Variants in CIDEC observed in about 807,000 individuals in gnomAD.
CIDEC encodes cell death inducing DFFA like effector c, also known as lipid transferase CIDEC.
A neutral mutation model predicts 21.9 loss-of-function variants in CIDEC; 11 were observed. The ratio of observed to expected loss-of-function variants is 0.50; its 90% CI spans 0.32 to 0.83. The LOEUF is 0.83. Among genes scored for constraint, CIDEC ranks in the 40% least tolerant of loss-of-function variants. The pLI is 0.04. For missense variants in CIDEC, 302 were observed against 302.3 expected, an observed-to-expected ratio of 1.00 and a Z score of 0.01; for synonymous variants, 127 against 124.9, an observed-to-expected ratio of 1.02 and a Z score of -0.11.
chr3:9,867,367 C>T, intron 6 of CIDEC, 71 bp from the exon 7 acceptor site: 1 of 1,553,216 alleles, frequency 6.4e-7, no homozygotes, highest in Non-Finnish European at 8.8e-7. Context: ...CGCCTGTAAT[C>T]CTAGCACTTT....
intron 4 of CIDEC, among the ~76,000 whole-genome samples, chr3:9,871,953 TGTTTTGTTTTTG>T (rs918951358): frequency 7.3e-5 from 11 of 151,698 alleles, no homozygotes; most frequent in African/African-American, 2.7e-4. Flanking sequence ...TTCGTTTGTT[TGTTTTGTTTTTG>T]GTTTTGTTTT....
rs755296776 is a variant in CIDEC, at chr3:9,870,290, G to C, written c.240C>G (p.Pro80=). 8 of 1,613,932 alleles carry C rather than the reference G, an allele frequency of 5.0e-6. No individual in the cohort carries two copies. Among genetic ancestry groups the C allele is most frequent in the Non-Finnish European group, 6.8e-6 (8 of 1,180,024 alleles). ...VRDTLMLADK[P]FFLVLEEDGT... ...CATCTTCCTCCAGCACCAGGAAGAA[G>C]GGCTTGTCTGCCAGCATCAGAGTGT... is the stretch of plus-strand genomic sequence containing the variant. The change falls in exon 5 of 7, where the codon CCC becomes CCG. Residue 80 remains proline (P), a synonymous_variant. Transcript: ENST00000336832.
At chr3:9,874,807 T>C (rs2082398154) in intron 4 of CIDEC, among the ~76,000 whole-genome samples, 2 of 152,174 alleles carry the variant, frequency 1.3e-5, no homozygotes, top group Admixed American at 1.3e-4. Context: ...CACAGTTCAC[T>C]GGAGCCTCAA....
At position 9,867,013 on chromosome 3, in the gene CIDEC, C is replaced by A. The variant is rs113086607; in HGVS notation, c.*121G>T. The A allele has an allele frequency of 6.5e-6, 7 of 1,078,472 alleles. No homozygotes were observed. Among genetic ancestry groups the A allele is most frequent in the Non-Finnish European group, 8.6e-6 (6 of 695,936 alleles). 66.8% of individuals were successfully genotyped at this position (1,078,472 alleles called of 1,614,324 possible). The stretch of plus-strand genomic sequence containing the variant: ...CCTCCTCCTCACTCAGGGTCCTGCG[C>A]GGTGAGGGAGGTGTGGGGAGGTTCG... On this transcript the variant is annotated 3_prime_UTR_variant, in exon 7 of 7. Transcript: ENST00000336832.
At chr3:9,876,624 G>T (rs1243271697) in intron 4 of CIDEC, among the ~76,000 whole-genome samples, 1 of 152,078 alleles carries the variant, frequency 6.6e-6, no homozygotes, top group Admixed American at 6.6e-5. Flanking sequence ...GGGTGTGGTG[G>T]TGTGTGCCTG....
chr3:9,874,712 T>A (rs1449042618), intron 4 of CIDEC, among the ~76,000 whole-genome samples: 1 of 152,158 alleles, frequency 6.6e-6, no homozygotes, highest in Admixed American at 6.6e-5. Context: ...AAAAATTGCA[T>A]ATAATTTTGC....
Position 9,869,957 on chromosome 3 carries a change from T to A in CIDEC, c.479A>T (p.Asn160Ile). 1 of 1,614,204 alleles carries A rather than the reference T, an allele frequency of 6.2e-7. No individual in the cohort carries two copies. Among genetic ancestry groups the A allele is most frequent in the Non-Finnish European group, 8.5e-7 (1 of 1,180,040 alleles). The part of the protein sequence containing the change: ...LNPQDFIGCL[N>I]VKATFYDTYS... ...TGTATCATAAAAAGTCGCCTTCACG[T>A]TCAGGCAGCCAATGAAGTCCTGTGG... The change falls in exon 6 of 7, where the codon AAC becomes ATC. Residue 160 changes from asparagine to isoleucine, a missense_variant. Asn to Ile is a moderately radical substitution (Grantham distance 149). Transcript: ENST00000336832.
chr3:9,876,990 A>G, intron 4 of CIDEC, 76 bp downstream of exon 4: 3 of 1,282,566 alleles, frequency 2.3e-6, no homozygotes, highest in Non-Finnish European at 3.3e-6. Flanking sequence ...AAACTGTGCC[A>G]CCTTCTAAGC....
At chr3:9,869,711 C>T (rs111489240) in intron 6 of CIDEC, among the ~76,000 whole-genome samples, 171 bp downstream of exon 6, 12 of 152,346 alleles carry the variant, frequency 7.9e-5, no homozygotes, top group Middle Eastern at 3.4e-3. Flanking sequence ...ACGCCGGTGT[C>T]GTCCACAGCA....
At chr3:9,876,777 A>C (rs1051120306) in intron 4 of CIDEC, among the ~76,000 whole-genome samples, 2 of 151,268 alleles carry the variant, frequency 1.3e-5, no homozygotes, top group Non-Finnish European at 3.0e-5. Flanking sequence ...AAAAAAAAAA[A>C]AAAAAAACTA....
In CIDEC at chr3:9,867,301, G is replaced by A. The variant is rs775310473; in HGVS notation, c.555-5C>T. On this transcript the variant is annotated splice_polypyrimidine_tract_variant and splice_region_variant and intron_variant, in intron 6 of 6. Transcript: ENST00000336832. ...AGGGCCCAGCGGAAAGCTTCCCTGG[G>A]TGGAATGAGAGGGCACGCAAGTCAA... 1 of 1,614,094 alleles carries A rather than the reference G, an allele frequency of 6.2e-7. No homozygotes were observed. The highest frequency in any genetic ancestry group is 1.1e-5 in the South Asian group (1 of 91,082).
At chr3:9,870,428 A>G in intron 4 of CIDEC, 106 bp from the exon 5 acceptor site, 1 of 1,576,956 alleles carries the variant, frequency 6.3e-7, no homozygotes, top group Non-Finnish European at 8.6e-7. Context: ...CACTACCCAG[A>G]GACTTTATCA....
At chr3:9,873,941 G>A (rs1348542035) in intron 4 of CIDEC, among the ~76,000 whole-genome samples, 1 of 151,964 alleles carries the variant, frequency 6.6e-6, no homozygotes, top group Non-Finnish European at 1.5e-5. Flanking sequence ...CACACCAATA[G>A]CAATGAACAT....
chr3:9,879,361 TG>T lies in CIDEC; in HGVS notation c.-138-308del, dbSNP rs376769779. ...TTTTGTTTGGATTTTTAGTAGAGAC[TG>T]GGTTTCACCATGTTGGCTAGGCTGG... is the stretch of plus-strand genomic sequence containing the variant. On this transcript the variant is annotated intron_variant, in intron 1 of 6. Coordinates refer to ENST00000336832, the MANE Select transcript of CIDEC (RefSeq NM_001321142.2). Among the ~76,000 whole-genome samples the T allele has an allele frequency of 2.0e-3, 302 of 152,120 alleles. 1 individual carries two copies. The highest frequency in any genetic ancestry group is 7.2e-3 in the African/African-American group (298 of 41,528).
chr3:9,878,737 G>T, intron 2 of CIDEC: 1 of 1,535,760 alleles, frequency 6.5e-7, no homozygotes, highest in Non-Finnish European at 8.7e-7. Context: ...CTCAGGCTCA[G>T]CCTCACTCAG....
chr3:9,877,252 C>T, intron 3 of CIDEC, 33 bp from the exon 4 acceptor site: 4 of 1,549,268 alleles, frequency 2.6e-6, no homozygotes, highest in Non-Finnish European at 3.5e-6. Flanking sequence ...GTGAGCCACC[C>T]ACTTTGCCCA....
chr3:9,878,424 C>G lies in CIDEC; in HGVS notation c.53+10G>C, dbSNP rs2082457597. On this transcript the variant is annotated intron_variant, in intron 3 of 6. Transcript: ENST00000336832. Reference sequence around the variant, plus strand: ...GGCTCTCTTTCCATTCTGCCCATGACTTTCCTCACCTGGAGAGGGACTTGG... The same window carrying G: ...GGCTCTCTTTCCATTCTGCCCATGAGTTTCCTCACCTGGAGAGGGACTTGG... The G allele has an allele frequency of 6.2e-7, 1 of 1,606,752 alleles. No individual in the cohort carries two copies. Among genetic ancestry groups the G allele is most frequent in the Non-Finnish European group, 8.5e-7 (1 of 1,173,250 alleles).
intron 4 of CIDEC, 144 bp from the exon 5 acceptor site, chr3:9,870,466 G>A (rs746575489): frequency 1.3e-6 from 2 of 1,542,676 alleles, no homozygotes; most frequent in East Asian, 2.4e-5. Context: ...TGGCTTCAGG[G>A]TTCCTAGTCT....
At chr3:9,867,849 G>T (rs568933194) in intron 6 of CIDEC, among the ~76,000 whole-genome samples, 2 of 151,690 alleles carry the variant, frequency 1.3e-5, no homozygotes, top group African/African-American at 4.9e-5. Context: ...AAAATCACTT[G>T]AACCTGGGAG....
Sources: gnomAD v4.1 joint callset for allele counts (sites outside exome capture counted in the v4.1 genomes callset) on GRCh38, gnomAD v4.1.1 for gene constraint, MANE v1.5 for transcripts, NCBI Gene and HGNC (gene_info 2026-07-23, HGNC 2026-07-21) for gene names.